Variants in TEC observed in about 807,000 individuals in gnomAD.
TEC encodes tec protein tyrosine kinase.
Under a neutral mutation model 93.0 loss-of-function variants are expected in TEC, and 72 were observed. The observed-to-expected ratio is 0.77, with a 90% CI of 0.64 to 0.94. The LOEUF (loss-of-function observed/expected upper bound fraction) is 0.94. Ranked by LOEUF, TEC falls within the 40% of genes least tolerant of loss-of-function variation. The probability of loss-of-function intolerance (pLI) is 0.00; values close to 1 mark genes in which losing one functional copy is unlikely to be tolerated. For synonymous variants in TEC, 249 were observed against 247.7 expected (o/e 1.01, Z -0.05); for missense variants, 630 against 757.9 (o/e 0.83, Z 1.98).
chr4:48,251,327 C>T (rs1560425673), intron 1 of TEC, among the ~76,000 whole-genome samples: 1 of 152,104 alleles, frequency 6.6e-6, no homozygotes, highest in Non-Finnish European at 1.5e-5. Context: ...CTTTCTCCCT[C>T]CTCCCCACCC....
intron 2 of TEC, among the ~76,000 whole-genome samples, chr4:48,176,588 G>A (rs1431394987): frequency 3.3e-5 from 5 of 152,098 alleles, no homozygotes; most frequent in Non-Finnish European, 7.4e-5. Flanking sequence ...CAGGTGTGGT[G>A]CTGTGCGCCT....
In TEC at chr4:48,201,159, G is replaced by A. The variant is rs1343697394; in HGVS notation, c.139-24973C>T. ...ACCAATAGAACCTGTTGAGAGTCCA[G>A]ACAAGAGAGGGTGAAGAGAGGGATA... is the stretch of plus-strand genomic sequence containing the variant. On this transcript the variant is annotated intron_variant, in intron 2 of 17. Coordinates refer to ENST00000381501, the MANE Select transcript of TEC (RefSeq NM_003215.3). 8.2e-4 allele frequency among the ~76,000 whole-genome samples: 124 copies of A among 152,144 alleles called. 2 individuals are homozygous for A. Among genetic ancestry groups the A allele is most frequent in the Admixed American group, 8.1e-3 (123 of 15,272 alleles).
chr4:48,187,506 C>T (rs899397042), intron 2 of TEC, among the ~76,000 whole-genome samples: 5 of 150,724 alleles, frequency 3.3e-5, no homozygotes, highest in South Asian at 2.1e-4. Context: ...CATATAAGAT[C>T]GTGTTGATGT....
rs1293488904 is a variant in TEC, at chr4:48,138,986, A to C, written c.1572T>G (p.Gly524=). ...GACACCACTTCACAGGAAACTTAGC[A>C]CCAGAAGAACTTGTGTACTGATCAT... ...VLDDQYTSSS[G]AKFPVKWCPP... Residue 524 remains glycine, a synonymous_variant, in exon 16 of 18, where the codon GGT becomes GGG. Coordinates refer to ENST00000381501, the MANE Select transcript of TEC (RefSeq NM_003215.3). 3 of 1,614,240 alleles carry C rather than the reference A, an allele frequency of 1.9e-6. No individual in the cohort carries two copies. The highest frequency in any genetic ancestry group is 1.6e-4 in the Middle Eastern group (1 of 6,062).
chr4:48,224,516 A>G (rs147653735), intron 2 of TEC, among the ~76,000 whole-genome samples: 197 of 152,346 alleles, frequency 1.3e-3, no homozygotes, highest in Non-Finnish European at 2.0e-3. Context: ...AGAAAGCAAC[A>G]TCACTTATGA....
chr4:48,243,535 T>G (rs1723974266), intron 1 of TEC, among the ~76,000 whole-genome samples: 2 of 152,170 alleles, frequency 1.3e-5, no homozygotes, highest in Admixed American at 1.3e-4. Flanking sequence ...TGGTTCACAT[T>G]TACACACTCA....
At chr4:48,198,153 GA>G (rs1357105013) in intron 2 of TEC, among the ~76,000 whole-genome samples, 1 of 152,168 alleles carries the variant, frequency 6.6e-6, no homozygotes, top group Non-Finnish European at 1.5e-5. Context: ...CTTTTCATCT[GA>G]AGAACCAGTG....
At chr4:48,149,046 T>C (rs1267140520) in intron 11 of TEC, among the ~76,000 whole-genome samples, 1 of 152,230 alleles carries the variant, frequency 6.6e-6, no homozygotes, top group Non-Finnish European at 1.5e-5. Flanking sequence ...GGTGTATCTG[T>C]ACCAGATTTT....
At chr4:48,175,922 T>C (rs1253313545) in intron 3 of TEC, among the ~76,000 whole-genome samples, 160 bp downstream of exon 3, 2 of 152,176 alleles carry the variant, frequency 1.3e-5, no homozygotes, top group African/African-American at 4.8e-5. Context: ...AGAAAATGTT[T>C]CCACAAAGAC....
At chr4:48,263,425 G>A (rs1363795499) in intron 1 of TEC, among the ~76,000 whole-genome samples, 2 of 152,076 alleles carry the variant, frequency 1.3e-5, no homozygotes, top group Non-Finnish European at 2.9e-5. Flanking sequence ...TCAAGAAACA[G>A]GAACAATAGG....
intron 2 of TEC, among the ~76,000 whole-genome samples, chr4:48,199,464 T>TC (rs1722418715): frequency 7.6e-6 from 1 of 131,062 alleles, no homozygotes; most frequent in Admixed American, 7.6e-5. Context: ...TCTTTTTTTT[T>TC]TTTTTTTTTT....
intron 1 of TEC, among the ~76,000 whole-genome samples, chr4:48,245,295 G>GGA (rs1553895461): frequency 6.9e-6 from 1 of 145,336 alleles, no homozygotes; most frequent in African/African-American, 2.5e-5. Flanking sequence ...CCTTCTCCAG[G>GGA]AAAAAAAAAA....
intron 2 of TEC, among the ~76,000 whole-genome samples, chr4:48,182,716 G>A (rs901524266): frequency 3.3e-5 from 5 of 152,116 alleles, no homozygotes; most frequent in African/African-American, 7.2e-5. Context: ...GGCAGAACTC[G>A]GAGTTAGATG....
chr4:48,250,069 T>C (rs745662008), intron 1 of TEC, among the ~76,000 whole-genome samples: 11 of 152,314 alleles, frequency 7.2e-5, no homozygotes, highest in East Asian at 1.9e-4. Context: ...GAACCTCAGA[T>C]TGCTGTATCC....
rs759435324 is a variant in TEC, at chr4:48,228,496, T to C, written c.119A>G (p.Tyr40Cys). 38 of 1,608,986 alleles carry C rather than the reference T, an allele frequency of 2.4e-5. No homozygotes were observed. The highest frequency in any genetic ancestry group is 3.1e-5 in the Non-Finnish European group (37 of 1,178,988). ...LFVLTKSMLTYYEGRAEKKYR... is the reference protein window; with the variant it reads ...LFVLTKSMLTCYEGRAEKKYR... ...TCTTACCTCTGCTCGACCCTCATAGTAGGTTAGCATGGACTTTGTAAGTAC... is the reference window on the plus strand; with the variant it reads ...TCTTACCTCTGCTCGACCCTCATAGCAGGTTAGCATGGACTTTGTAAGTAC... The change falls in exon 2 of 18, where the codon TAC becomes TGC. Residue 40 changes from tyrosine to cysteine, a missense_variant. Physicochemically the swap from Tyr to Cys is radical, Grantham distance 194. Transcript: ENST00000381501.
chr4:48,179,505 T>C (rs1721500666), intron 2 of TEC, among the ~76,000 whole-genome samples: 1 of 149,948 alleles, frequency 6.7e-6, no homozygotes, highest in African/African-American at 2.5e-5. Flanking sequence ...TATCCTGCCT[T>C]AGCCCCCCAA....
chr4:48,215,463 C>T (rs758211517), intron 2 of TEC, among the ~76,000 whole-genome samples: 3 of 152,136 alleles, frequency 2.0e-5, no homozygotes, highest in South Asian at 2.1e-4. Flanking sequence ...GCTGGGATTG[C>T]GCCACTGTAC....
chr4:48,200,487 G>A (rs1438949286), intron 2 of TEC, among the ~76,000 whole-genome samples: 2 of 152,200 alleles, frequency 1.3e-5, no homozygotes, highest in Non-Finnish European at 2.9e-5. Flanking sequence ...GACTGGAGAG[G>A]AGCAAGAGTG....
At chr4:48,262,772 T>C (rs1259346018) in intron 1 of TEC, among the ~76,000 whole-genome samples, 1 of 152,206 alleles carries the variant, frequency 6.6e-6, no homozygotes, top group Non-Finnish European at 1.5e-5. Flanking sequence ...TGGTGCCTAG[T>C]GGTACCTGCT....
Sources: allele counts gnomAD v4.1 joint callset (sites outside exome capture counted in the v4.1 genomes callset), GRCh38; gene constraint gnomAD v4.1.1; transcripts MANE v1.5; gene names NCBI Gene and HGNC (gene_info 2026-07-23, HGNC 2026-07-21).